Variants in EIF4E2 observed in about 807,000 individuals in gnomAD.
EIF4E2 encodes eukaryotic translation initiation factor 4E family member 2.
Under a neutral mutation model 34.2 loss-of-function variants are expected in EIF4E2, and 13 were observed. That is an observed-to-expected ratio of 0.38 (90% CI 0.25 to 0.60). EIF4E2 has a LOEUF of 0.60. Ranked by LOEUF, EIF4E2 falls within the 20% of genes least tolerant of loss-of-function variation. The pLI, the probability that EIF4E2 is intolerant of heterozygous loss-of-function variation, is 0.62. For missense variants in EIF4E2, 222 were observed against 315.1 expected (o/e 0.70, Z 2.24); for synonymous variants, 100 against 106.6 (o/e 0.94, Z 0.38).
At chr2:232,552,179 G>A (rs2106231616) in intron 1 of EIF4E2, among the ~76,000 whole-genome samples, 1 of 152,102 alleles carries the variant, frequency 6.6e-6, no homozygotes, top group African/African-American at 2.4e-5. Flanking sequence ...GGTAATAATG[G>A]ACTTCCACAG....
intron 6 of EIF4E2, chr2:232,568,380 C>G: frequency 2.0e-6 from 2 of 985,390 alleles, no homozygotes; most frequent in Non-Finnish European, 2.4e-6. Context: ...ATCATAGTCA[C>G]GAACAGTTAT....
At chr2:232,562,910 C>T (rs1266315886) in intron 3 of EIF4E2, among the ~76,000 whole-genome samples, 1 of 151,838 alleles carries the variant, frequency 6.6e-6, no homozygotes, top group African/African-American at 2.4e-5. Flanking sequence ...CCTTGAAGCC[C>T]TATAGATGGC....
chr2:232,581,397 C>A lies in EIF4E2; in HGVS notation c.*454C>A. 1 of 317,068 alleles carries A rather than the reference C, an allele frequency of 3.2e-6. No individual in the cohort carries two copies. The highest frequency in any genetic ancestry group is 2.7e-5 in the South Asian group (1 of 37,530). 19.6% of individuals were successfully genotyped at this position (317,068 alleles called of 1,614,324 possible). Reference sequence around the variant, plus strand: ...CCAAAATAGCTGTAAATGCTCTCTTCTAGCTCTGCCATTAAATTATTGGGA... The same window carrying A: ...CCAAAATAGCTGTAAATGCTCTCTTATAGCTCTGCCATTAAATTATTGGGA... On this transcript the variant is annotated 3_prime_UTR_variant, in exon 7 of 7. Coordinates refer to the EIF4E2 transcript ENST00000409098. The surrounding 1 kb of genome is among the most constrained non-coding windows in gnomAD (Gnocchi z 5.2).
chr2:232,567,622 A>G (rs578023698), intron 6 of EIF4E2: 37 of 1,101,306 alleles, frequency 3.4e-5, no homozygotes, highest in South Asian at 2.9e-4. Flanking sequence ...GCTTCAGTCT[A>G]TTTTCTTTGT....
intron 2 of EIF4E2, 52 bp from the exon 3 acceptor site, chr2:232,557,832 C>A: frequency 6.3e-7 from 1 of 1,595,320 alleles, no homozygotes; most frequent in South Asian, 1.1e-5. Flanking sequence ...TTCTCTCAGT[C>A]TCAGACCACG....
intron 1 of EIF4E2, chr2:232,551,304 C>G (rs1692311432): frequency 6.4e-6 from 3 of 471,368 alleles, no homozygotes; most frequent in Non-Finnish European, 8.8e-6. Flanking sequence ...TTCTCCTCCC[C>G]TTCCCGTTCC....
intron 3 of EIF4E2, 37 bp from the exon 4 acceptor site, chr2:232,564,210 G>T: frequency 7.1e-7 from 1 of 1,411,750 alleles, no homozygotes; most frequent in Non-Finnish European, 9.8e-7. Flanking sequence ...AAAAGTAAAA[G>T]ACACATGTTT....
At chr2:232,564,611 C>T (rs1324828022) in intron 4 of EIF4E2, among the ~76,000 whole-genome samples, 8 of 152,226 alleles carry the variant, frequency 5.3e-5, no homozygotes, top group South Asian at 2.1e-4. Flanking sequence ...CCACCGCGCC[C>T]GGCTAATTTT....
intron 6 of EIF4E2, among the ~76,000 whole-genome samples, chr2:232,577,815 G>T (rs1478632993): frequency 6.6e-6 from 1 of 152,146 alleles, no homozygotes; most frequent in Non-Finnish European, 1.5e-5. Context: ...TGCTGTCACA[G>T]CTTTGCCAGA....
intron 6 of EIF4E2, among the ~76,000 whole-genome samples, chr2:232,575,009 G>A (rs1313010718): frequency 2.6e-5 from 4 of 152,188 alleles, no homozygotes; most frequent in Non-Finnish European, 5.9e-5. Flanking sequence ...CTGTAGCAGA[G>A]GGAGCTGGGT....
chr2:232,553,517 A>G (rs1419797373), intron 1 of EIF4E2, among the ~76,000 whole-genome samples: 2 of 152,182 alleles, frequency 1.3e-5, no homozygotes, highest in Non-Finnish European at 2.9e-5. Flanking sequence ...AGGGTGAGGA[A>G]ATACGTGGGC....
intron 6 of EIF4E2, 172 bp from the exon 7 acceptor site, chr2:232,568,773 T>G (rs1220026376): frequency 1.0e-6 from 1 of 985,350 alleles, no homozygotes; most frequent in African/African-American, 1.7e-5. Context: ...CTTAGTCTGC[T>G]AGAAAGACTG....
intron 3 of EIF4E2, among the ~76,000 whole-genome samples, chr2:232,561,181 C>A (rs1255136177): frequency 6.6e-6 from 1 of 152,096 alleles, no homozygotes; most frequent in Non-Finnish European, 1.5e-5. Context: ...TGCCTGTAAT[C>A]CCAGCACTTC....
chr2:232,566,707 T>C lies in EIF4E2; in HGVS notation c.376-122T>C, dbSNP rs2106248314. Reference sequence around the variant, plus strand: ...CCTACCATCAGTTTTTCTATAGAGTTGAATAATTGGAAAGTGATATGACTT... The same window carrying C: ...CCTACCATCAGTTTTTCTATAGAGTCGAATAATTGGAAAGTGATATGACTT... On this transcript the variant is annotated intron_variant, in intron 4 of 6. Coordinates refer to ENST00000258416, the MANE Select transcript of EIF4E2 (RefSeq NM_004846.4). The surrounding 1 kb of genome is among the most constrained non-coding windows in gnomAD (Gnocchi z 4.9). 1 of 1,130,968 alleles carries C rather than the reference T, an allele frequency of 8.8e-7. No homozygotes were observed. The highest frequency in any genetic ancestry group is 2.5e-5 in the East Asian group (1 of 39,290). The allele number at this position is 1,130,968 out of a possible 1,614,324, so 70.1% of individuals were successfully genotyped here.
At chr2:232,572,683 G>C (rs1193987824), downstream of EIF4E2, among the ~76,000 whole-genome samples, 5 of 152,280 alleles carry the variant, frequency 3.3e-5, no homozygotes, top group African/African-American at 9.6e-5. Flanking sequence ...TCTTAACCCA[G>C]GTTCTTCATG....
In EIF4E2 at chr2:232,557,985, A is replaced by G. The variant is rs540566064; in HGVS notation, c.237A>G (p.Glu79=). 2.5e-5 allele frequency: 41 copies of G among 1,614,200 alleles called. 1 individual carries two copies. In the South Asian group the frequency reaches 4.4e-4, roughly 17 times the overall value. The change falls in exon 3 of 7, where the codon GAA becomes GAG. Residue 79 remains glutamate (E), a synonymous_variant. Transcript: ENST00000258416. The part of the protein sequence containing the change: ...PGRPTSSQSY[E]QNIKQIGTFA... ...GTCCCACGAGCTCACAGAGCTATGA[A>G]CAGAATATCAAACAGATTGGCACCT... is the stretch of plus-strand genomic sequence containing the variant.
In EIF4E2 at chr2:232,567,068, C is replaced by T. The variant is rs200699311; in HGVS notation, c.529-10C>T. 46 of 1,611,836 alleles carry T rather than the reference C, an allele frequency of 2.9e-5. No individual in the cohort carries two copies. The African/African-American group carries it at 6.1e-4, about 21-fold the overall frequency. ...ATTTGCTTTGATGATTCCTTCTGTTCCTCTGGTAGGAAGACATTATTTCAA... is the reference window on the plus strand; with the variant it reads ...ATTTGCTTTGATGATTCCTTCTGTTTCTCTGGTAGGAAGACATTATTTCAA... On this transcript the variant is annotated splice_polypyrimidine_tract_variant and intron_variant, in intron 5 of 6. Coordinates refer to ENST00000258416, the MANE Select transcript of EIF4E2 (RefSeq NM_004846.4).
At chr2:232,557,681 G>A in intron 2 of EIF4E2, 1 of 618,852 alleles carries the variant, frequency 1.6e-6, no homozygotes, top group Non-Finnish European at 2.8e-6. Flanking sequence ...AAGAACACAG[G>A]TAAAGTGTTT....
downstream of EIF4E2, among the ~76,000 whole-genome samples, chr2:232,570,126 C>T (rs1693057184): frequency 6.6e-6 from 1 of 152,168 alleles, no homozygotes; most frequent in Admixed American, 6.5e-5. Flanking sequence ...TTGAGTTTTC[C>T]AGAGTGGCTG....
Sources: gnomAD v4.1 joint callset for allele counts (sites outside exome capture counted in the v4.1 genomes callset) on GRCh38, gnomAD v4.1.1 for gene constraint, Gnocchi (gnomAD v3.1) non-coding constraint, MANE v1.5 for transcripts, NCBI Gene and HGNC (gene_info 2026-07-23, HGNC 2026-07-21) for gene names.